Variants in ZC3H12B observed in about 807,000 individuals in gnomAD.
The protein encoded by ZC3H12B is zinc finger CCCH-type containing 12B.
A neutral mutation model predicts 43.9 loss-of-function variants in ZC3H12B; 7 were observed. That is an observed-to-expected ratio of 0.16 (90% CI 0.09 to 0.30). ZC3H12B has a LOEUF of 0.30. Ranked by LOEUF, ZC3H12B falls within the 10% of genes least tolerant of loss-of-function variation. ZC3H12B has a pLI of 1.00. For synonymous variants in ZC3H12B, 222 were observed against 241.7 expected (o/e 0.92, Z 0.76); for missense variants, 475 against 670.2 (o/e 0.71, Z 3.22).
At chrX:65,102,728 C>T in the ZC3H12B span, among the ~76,000 whole-genome samples, 1 of 111,135 alleles carries the variant, frequency 9.0e-6, no homozygotes, top group Admixed American at 9.6e-5. Flanking sequence ...TCTCAAGTAT[C>T]AGGGGAACCC....
chrX:65,224,174 T>C, the ZC3H12B span, among the ~76,000 whole-genome samples: 17 of 112,729 alleles, frequency 1.5e-4, no homozygotes, highest in African/African-American at 5.1e-4. Context: ...AATTGCAGAT[T>C]ATTATTTTAA....
At chrX:65,352,622 CAT>C in the ZC3H12B span, among the ~76,000 whole-genome samples, 156 of 111,361 alleles carry the variant, frequency 1.4e-3, 1 homozygote, top group Non-Finnish European at 2.4e-3. Flanking sequence ...TTTATACATG[CAT>C]ATGTTTTTAC....
the ZC3H12B span, among the ~76,000 whole-genome samples, chrX:65,305,341 G>T: frequency 9.0e-6 from 1 of 111,208 alleles, no homozygotes; most frequent in Non-Finnish European, 1.9e-5. Flanking sequence ...AAAAAAAAAA[G>T]AAGATATTAC....
the ZC3H12B span, among the ~76,000 whole-genome samples, chrX:65,319,850 CT>C: frequency 9.0e-6 from 1 of 111,360 alleles, no homozygotes; most frequent in East Asian, 2.8e-4. Flanking sequence ...GCAAAAAGAG[CT>C]TTTGATAAAA....
chrX:65,060,791 A>G, the ZC3H12B span, among the ~76,000 whole-genome samples: 1 of 112,031 alleles, frequency 8.9e-6, no homozygotes, highest in East Asian at 2.8e-4. Context: ...ACTGGTTTGG[A>G]AGTCTTCGTT....
At chrX:65,297,403 C>T in the ZC3H12B span, among the ~76,000 whole-genome samples, 1 of 110,238 alleles carries the variant, frequency 9.1e-6, no homozygotes. Flanking sequence ...ACAATAGCTG[C>T]AAAATAAAAT....
chrX:65,252,504 C>T, the ZC3H12B span, among the ~76,000 whole-genome samples: 1 of 111,539 alleles, frequency 9.0e-6, no homozygotes, highest in Non-Finnish European at 1.9e-5. Flanking sequence ...TATTATTACC[C>T]CCTTTTTACA....
chrX:65,350,219 A>T, the ZC3H12B span, among the ~76,000 whole-genome samples: 1 of 112,026 alleles, frequency 8.9e-6, no homozygotes, highest in Non-Finnish European at 1.9e-5. Flanking sequence ...AAATCAATAA[A>T]TGTAAACCAT....
the ZC3H12B span, among the ~76,000 whole-genome samples, chrX:65,291,683 T>G: frequency 8.9e-6 from 1 of 112,226 alleles, no homozygotes; most frequent in East Asian, 2.8e-4. Context: ...GGGTATAATT[T>G]TTTAATTAGT....
chrX:65,337,633 C>T, the ZC3H12B span, among the ~76,000 whole-genome samples: 1 of 112,267 alleles, frequency 8.9e-6, no homozygotes. Context: ...CAAGTAGATA[C>T]AATTATTGTT....
the ZC3H12B span, among the ~76,000 whole-genome samples, chrX:65,122,605 T>G: frequency 9.1e-6 from 1 of 110,312 alleles, no homozygotes; most frequent in Non-Finnish European, 1.9e-5. Flanking sequence ...GGATAAAGAG[T>G]CAAGACCCGT....
At chrX:65,113,285 G>A in the ZC3H12B span, among the ~76,000 whole-genome samples, 1 of 112,007 alleles carries the variant, frequency 8.9e-6, no homozygotes, top group East Asian at 2.8e-4. Flanking sequence ...TGGTGAAGAT[G>A]CTATGAACAT....
chrX:65,390,788 A>G (rs1275774740), intron 2 of ZC3H12B, among the ~76,000 whole-genome samples: 1 of 111,960 alleles, frequency 8.9e-6, no homozygotes, highest in Non-Finnish European at 1.9e-5. Flanking sequence ...TTTCCTCAGC[A>G]CATGGATCAT....
the ZC3H12B span, among the ~76,000 whole-genome samples, chrX:65,080,314 CA>C: frequency 1.8e-5 from 2 of 108,938 alleles, no homozygotes; most frequent in Admixed American, 2.0e-4. Flanking sequence ...AAAGTTTATT[CA>C]AAAAGATAAT....
chrX:65,175,957 G>A, the ZC3H12B span, among the ~76,000 whole-genome samples: 4 of 112,160 alleles, frequency 3.6e-5, no homozygotes, highest in African/African-American at 1.3e-4. Context: ...CACAAAAGTG[G>A]GTGGCCATTT....
chrX:65,248,762 A>T, the ZC3H12B span, among the ~76,000 whole-genome samples: 1 of 111,712 alleles, frequency 9.0e-6, no homozygotes, highest in Non-Finnish European at 1.9e-5. Flanking sequence ...TGATTTTTTG[A>T]TTATGGCCAT....
chrX:65,254,475 A>G, the ZC3H12B span, among the ~76,000 whole-genome samples: 1 of 112,339 alleles, frequency 8.9e-6, no homozygotes, highest in Non-Finnish European at 1.9e-5. Context: ...ACTTCCAGAA[A>G]CCAAGCCAGT....
intron 3 of ZC3H12B, among the ~76,000 whole-genome samples, chrX:65,413,687 T>C (rs1260928105): frequency 1.8e-5 from 2 of 112,371 alleles, no homozygotes; most frequent in African/African-American, 3.2e-5. Context: ...TGTAGCTTTA[T>C]AGTAAAGTTT....
At chrX:65,295,902 A>G in the ZC3H12B span, among the ~76,000 whole-genome samples, 1 of 111,418 alleles carries the variant, frequency 9.0e-6, no homozygotes, top group Non-Finnish European at 1.9e-5. Context: ...CGGGATTGAA[A>G]CAGTAATAAA....
Sources: gnomAD v4.1 joint callset for allele counts (sites outside exome capture counted in the v4.1 genomes callset) on GRCh38, gnomAD v4.1.1 for gene constraint, MANE v1.5 for transcripts, NCBI Gene and HGNC (gene_info 2026-07-23, HGNC 2026-07-21) for gene names.